FGF12: variants seen among roughly 807,000 people sequenced by gnomAD.
FGF12 encodes the protein fibroblast growth factor 12B.
Under a neutral mutation model 23.6 loss-of-function variants are expected in FGF12, and 14 were observed. The ratio of observed to expected loss-of-function variants is 0.59; its 90% confidence interval spans 0.39 to 0.93. The LOEUF (loss-of-function observed/expected upper bound fraction) is 0.93. FGF12 is among the 40% of genes least tolerant of loss of function. The pLI is 0.00. For missense variants in FGF12, 175 were observed against 217.8 expected, an observed-to-expected ratio of 0.80 and a Z score of 1.24; for synonymous variants, 62 against 77.3, an observed-to-expected ratio of 0.80 and a Z score of 1.04.
chr3:192,684,815 A>G (rs1277728407), intron 2 of FGF12, among the ~76,000 whole-genome samples: 1 of 152,176 alleles, frequency 6.6e-6, no homozygotes, highest in Non-Finnish European at 1.5e-5. Flanking sequence ...TTCATATCAT[A>G]GTCTTCATTA....
chr3:192,628,878 C>G (rs769247705), intron 2 of FGF12, among the ~76,000 whole-genome samples: 9 of 151,734 alleles, frequency 5.9e-5, no homozygotes, highest in Non-Finnish European at 1.2e-4. Context: ...CTCTGGAGAA[C>G]CCTGACTAAT....
chr3:192,711,809 C>G (rs1003941119), intron 2 of FGF12, among the ~76,000 whole-genome samples: 2 of 151,950 alleles, frequency 1.3e-5, no homozygotes, highest in Non-Finnish European at 2.9e-5. Flanking sequence ...ACAAACACTG[C>G]GGAAGTTCCC....
In FGF12 at chr3:192,336,451, C is replaced by T. The variant is rs1027433237; in HGVS notation, c.125-987G>A. ...ATTATTTCAGTTACTTTTGAGATCA[C>T]GAAATGAGCATAAACAGAAAACACT... On this transcript the variant is annotated intron_variant, in intron 3 of 5. Coordinates refer to ENST00000445105, the MANE Select transcript of FGF12 (RefSeq NM_004113.6). This position sits in a 1 kb window ranked among gnomAD's most constrained non-coding sequence, Gnocchi z 4.3. Among the ~76,000 whole-genome samples, 3 of 151,964 alleles carry T rather than the reference C, an allele frequency of 2.0e-5. No individual in the cohort carries two copies. The highest frequency in any genetic ancestry group is 4.8e-5 in the African/African-American group (2 of 41,388).
At position 192,514,561 on chromosome 3, in the gene FGF12, A is replaced by G. The variant is rs912620616; in HGVS notation, c.14-154023T>C. The G allele has an allele frequency of 7.2e-6, 3 of 418,300 alleles. No homozygotes were observed. The highest frequency in any genetic ancestry group is 9.6e-6 in the Non-Finnish European group (3 of 311,782). 25.9% of individuals were successfully genotyped at this position (418,300 alleles called of 1,614,324 possible). On this transcript the variant is annotated intron_variant, in intron 2 of 5. Coordinates refer to ENST00000445105, the MANE Select transcript of FGF12 (RefSeq NM_004113.6). This position sits in a 1 kb window ranked among gnomAD's most constrained non-coding sequence, Gnocchi z 4.9. Reference sequence around the variant, plus strand: ...AGTCGGGAAACGCCTTCCCTCCGCCACAGGCAGCGCTGAATGAAGCAGAGG... The same window carrying G: ...AGTCGGGAAACGCCTTCCCTCCGCCGCAGGCAGCGCTGAATGAAGCAGAGG...
At chr3:192,440,191 T>C (rs1722163582) in intron 2 of FGF12, among the ~76,000 whole-genome samples, 1 of 152,142 alleles carries the variant, frequency 6.6e-6, no homozygotes, top group Admixed American at 6.5e-5. Context: ...ATGGTCTTTG[T>C]AGACCATTAA....
chr3:192,656,491 C>T (rs1716432520), intron 2 of FGF12, among the ~76,000 whole-genome samples: 1 of 152,100 alleles, frequency 6.6e-6, no homozygotes, highest in African/African-American at 2.4e-5. Flanking sequence ...GGTGATCTGG[C>T]CCCCAGGGAC....
At chr3:192,170,938 C>T (rs1207194202) in intron 4 of FGF12, among the ~76,000 whole-genome samples, 1 of 152,190 alleles carries the variant, frequency 6.6e-6, no homozygotes, top group Non-Finnish European at 1.5e-5. Flanking sequence ...CGCTCCGATC[C>T]TAGCAATATG....
At chr3:192,651,207 T>G (rs1222494953) in intron 2 of FGF12, among the ~76,000 whole-genome samples, 1 of 152,190 alleles carries the variant, frequency 6.6e-6, no homozygotes, top group East Asian at 1.9e-4. Context: ...AACAGAACAT[T>G]GACCTTCTCA....
In FGF12 at chr3:192,495,833, T is replaced by TTA. The variant is rs1000317647; in HGVS notation, c.14-135297_14-135296dup. On this transcript the variant is annotated intron_variant, in intron 2 of 5. Transcript: ENST00000445105. ...GCATGTGCCACCACCCCCAACTAAT[T>TTA]TATATATATATTTATATACAGGGTT... Among the ~76,000 whole-genome samples the TTA allele has an allele frequency of 6.6e-5, 10 of 151,942 alleles. No individual in the cohort carries two copies. In the East Asian group the frequency reaches 7.7e-4, roughly 12 times the overall value.
chr3:192,343,190 A>T (rs1717784083), intron 3 of FGF12, among the ~76,000 whole-genome samples: 1 of 152,064 alleles, frequency 6.6e-6, no homozygotes, highest in Non-Finnish European at 1.5e-5. Context: ...AATGGCCAAT[A>T]AAAAAGATTC....
At chr3:192,290,626 T>C (rs960145239) in intron 4 of FGF12, among the ~76,000 whole-genome samples, 1 of 152,162 alleles carries the variant, frequency 6.6e-6, no homozygotes, top group East Asian at 1.9e-4. Flanking sequence ...TTTGCCCAAG[T>C]TGTGCTGCTC....
At chr3:192,165,125 C>A (rs988544855) in intron 5 of FGF12, among the ~76,000 whole-genome samples, 2 of 151,918 alleles carry the variant, frequency 1.3e-5, no homozygotes, top group South Asian at 4.2e-4. Context: ...GGCTAATTTT[C>A]ATATTTTTTA....
chr3:192,562,945 T>A (rs1025983341), intron 2 of FGF12, among the ~76,000 whole-genome samples: 7 of 152,154 alleles, frequency 4.6e-5, no homozygotes, highest in Admixed American at 3.9e-4. Flanking sequence ...AAACCAACAC[T>A]GTTTGGCTTA....
chr3:192,534,352 A>G (rs994389508), intron 2 of FGF12, among the ~76,000 whole-genome samples: 1 of 152,118 alleles, frequency 6.6e-6, no homozygotes, highest in Non-Finnish European at 1.5e-5. Context: ...TCATTTAATC[A>G]TATTTCTATC....
chr3:192,181,182 A>G (rs989814973), intron 4 of FGF12, among the ~76,000 whole-genome samples: 9 of 152,204 alleles, frequency 5.9e-5, no homozygotes, highest in African/African-American at 2.2e-4. Context: ...GGGCTAGGAT[A>G]TGATAAACTT....
At chr3:192,294,665 A>T (rs1200519597) in intron 4 of FGF12, among the ~76,000 whole-genome samples, 2 of 152,188 alleles carry the variant, frequency 1.3e-5, no homozygotes, top group Non-Finnish European at 2.9e-5. Context: ...TTAATGTTTA[A>T]CATGCTTTTT....
intron 4 of FGF12, among the ~76,000 whole-genome samples, chr3:192,271,961 T>C (rs1440436287): frequency 6.6e-6 from 1 of 152,184 alleles, no homozygotes; most frequent in Non-Finnish European, 1.5e-5. Context: ...ATTGTGATTC[T>C]TGCCTAGAAT....
At position 192,619,131 on chromosome 3, in the gene FGF12, T is replaced by G. The variant is rs183106103; in HGVS notation, c.13+108050A>C. Among the ~76,000 whole-genome samples, 274 of 152,144 alleles carry G rather than the reference T, an allele frequency of 1.8e-3. 3 individuals are homozygous for G. Among genetic ancestry groups the G allele is most frequent in the Admixed American group, 5.3e-3 (81 of 15,276 alleles). ...TATACATATTTTTTAGTAGTCCTGT[T>G]TTAAGTGGTTAGCATGTTATTAGAT... is the stretch of plus-strand genomic sequence containing the variant. On this transcript the variant is annotated intron_variant, in intron 2 of 5. Transcript: ENST00000445105.
intron 2 of FGF12, among the ~76,000 whole-genome samples, chr3:192,458,971 T>C (rs144508025): frequency 6.6e-6 from 1 of 152,282 alleles, no homozygotes; most frequent in African/African-American, 2.4e-5. Context: ...TCTAATGGGT[T>C]TATCAGGGGT....
Sources: allele counts gnomAD v4.1 joint callset (sites outside exome capture counted in the v4.1 genomes callset), GRCh38; gene constraint gnomAD v4.1.1; non-coding constraint Gnocchi (gnomAD v3.1); transcripts MANE v1.5; gene names NCBI Gene and HGNC (gene_info 2026-07-23, HGNC 2026-07-21).